EXD1: variants seen among roughly 807,000 people sequenced by gnomAD.
EXD1 encodes exonuclease 3'-5' domain containing 1, also known as piRNA biogenesis protein EXD1.
A neutral mutation model predicts 49.1 loss-of-function variants in EXD1; 63 were observed. The ratio of observed to expected loss-of-function variants is 1.28; its 90% CI spans 1.05 to 1.58. EXD1 has a LOEUF of 1.58. Among genes scored for constraint, EXD1 ranks in the 40% most tolerant of loss-of-function variants. The pLI, the probability that EXD1 is intolerant of heterozygous loss-of-function variation, is 0.00. For missense variants in EXD1, 748 were observed against 666.0 expected, an observed-to-expected ratio of 1.12 and a Z score of -1.36; for synonymous variants, 234 against 239.2, an observed-to-expected ratio of 0.98 and a Z score of 0.20.
intron 6 of EXD1, among the ~76,000 whole-genome samples, chr15:41,212,277 G>A (rs146730514): frequency 0.018 from 2,705 of 151,698 alleles, 92 homozygotes; most frequent in African/African-American, 0.062. Context: ...GTGAAACCCC[G>A]TCTCTACTAA....
chr15:41,229,250 G>C (rs1379282031), intron 1 of EXD1, among the ~76,000 whole-genome samples: 1 of 152,164 alleles, frequency 6.6e-6, no homozygotes, highest in East Asian at 1.9e-4. Context: ...GGCCGAGGCG[G>C]GTGGATCACC....
rs59054803 is a variant in EXD1 at position 41,192,594 on chromosome 15, A to ATTTTTTTTTT, written c.721-1019_721-1010dup. Reference sequence around the variant, plus strand: ...ACAGGCGTGAACCACTGCGCCAGGCATTTTTTTTTTTTTTTTTTTTTTTTT... The same window carrying ATTTTTTTTTT: ...ACAGGCGTGAACCACTGCGCCAGGCATTTTTTTTTTTTTTTTTTTTTTTTTTTTTTTTTTT... On this transcript the variant is annotated intron_variant, in intron 9 of 11. Transcript: ENST00000458580. Among the ~76,000 whole-genome samples the ATTTTTTTTTT allele has an allele frequency of 2.4e-4, 10 of 40,878 alleles. 3 individuals are homozygous for ATTTTTTTTTT. Among genetic ancestry groups the ATTTTTTTTTT allele is most frequent in the African/African-American group, 2.2e-4 (3 of 13,498 alleles). The allele number at this position is 40,878 out of a possible 152,430, so 26.8% of individuals were successfully genotyped here. A position where few individuals can be genotyped will look rare whatever the true frequency, so the allele number is the denominator to read the frequency against.
At chr15:41,206,476 A>G (rs1179643760) in intron 7 of EXD1, among the ~76,000 whole-genome samples, 18 of 73,768 alleles carry the variant, frequency 2.4e-4, no homozygotes, top group African/African-American at 1.0e-4. Flanking sequence ...CCTGTCTCGA[A>G]AAAAAAAAAA....
chr15:41,210,259 C>T (rs1431912521), intron 6 of EXD1, among the ~76,000 whole-genome samples: 2 of 152,160 alleles, frequency 1.3e-5, no homozygotes, highest in African/African-American at 4.8e-5. Flanking sequence ...CAAACTATGG[C>T]ATGCCCTAAC....
At chr15:41,201,877 C>T (rs1035130135) in intron 7 of EXD1, among the ~76,000 whole-genome samples, 28 of 152,012 alleles carry the variant, frequency 1.8e-4, no homozygotes, top group African/African-American at 6.0e-4. Context: ...AAACGCCAGG[C>T]GTGGTGTGGC....
intron 7 of EXD1, among the ~76,000 whole-genome samples, chr15:41,206,385 C>A (rs1179483639): frequency 6.7e-6 from 1 of 149,656 alleles, no homozygotes; most frequent in African/African-American, 2.5e-5. Flanking sequence ...CAGGAGAATA[C>A]CTTGAACCTG....
At chr15:41,220,026 C>A in intron 2 of EXD1, 128 bp from the exon 3 acceptor site, 1 of 657,778 alleles carries the variant, frequency 1.5e-6, no homozygotes, top group Non-Finnish European at 2.5e-6. Flanking sequence ...AAAAAATATC[C>A]AAATCTTCCC....
At chr15:41,192,032 C>T (rs945349649) in intron 9 of EXD1, 1 of 163,776 alleles carries the variant, frequency 6.1e-6, no homozygotes, top group Non-Finnish European at 1.3e-5. Flanking sequence ...GATTCCACTA[C>T]TGATGAGCAC....
In EXD1 at chr15:41,184,425, C is replaced by T; in HGVS notation, c.1225G>A (p.Val409Ile). The T allele has an allele frequency of 6.8e-6, 11 of 1,614,128 alleles. No homozygotes were observed. Among genetic ancestry groups the T allele is most frequent in the Non-Finnish European group, 9.3e-6 (11 of 1,180,040 alleles). ...VTETAGKEEK[V>I]KGFLFGKNFR... The stretch of plus-strand genomic sequence containing the variant: ...TTTTTACCAAATAAGAAGCCTTTGA[C>T]TTTCTCCTCTTTCCCTGCTGTCTCT... Residue 409 changes from valine (V) to isoleucine (I), a missense_variant, in exon 12 of 12, where the codon GTC becomes ATC. Transcript: ENST00000458580.
chr15:41,213,540 CAG>C (rs2046954731), intron 6 of EXD1, among the ~76,000 whole-genome samples: 1 of 150,666 alleles, frequency 6.6e-6, no homozygotes, highest in Non-Finnish European at 1.5e-5. Context: ...TTTTTTGAGA[CAG>C]AGTCTCACTC....
Position 41,219,869 on chromosome 15 carries a change from G to T in EXD1, c.163C>A (p.Pro55Thr). Residue 55 changes from proline (P) to threonine (T), a missense_variant, in exon 3 of 12, where the codon CCA (proline) becomes ACA (threonine). By Grantham distance (38) the Pro-to-Thr change is conservative. Coordinates refer to ENST00000458580, the MANE Select transcript of EXD1 (RefSeq NM_001286441.2). Reference protein sequence around the residue: ...VKNVETGRSVPGVKLFFGHEI... With the variant: ...VKNVETGRSVTGVKLFFGHEI... ...TGCCCAAAAAACAACTTCACTCCTGGGACACTTCGACCTGTCTCCACATTC... is the reference window on the plus strand; with the variant it reads ...TGCCCAAAAAACAACTTCACTCCTGTGACACTTCGACCTGTCTCCACATTC... 1 of 1,535,096 alleles carries T rather than the reference G, an allele frequency of 6.5e-7. No individual in the cohort carries two copies. Among genetic ancestry groups the T allele is most frequent in the Non-Finnish European group, 8.7e-7 (1 of 1,146,550 alleles).
intron 7 of EXD1, among the ~76,000 whole-genome samples, chr15:41,207,450 G>C (rs1229097596): frequency 1.3e-5 from 2 of 151,998 alleles, no homozygotes; most frequent in Non-Finnish European, 2.9e-5. Context: ...TGAGGCAGGA[G>C]AATTTCTTGA....
At chr15:41,191,951 C>CTTT in intron 9 of EXD1, 3 of 164,916 alleles carry the variant, frequency 1.8e-5, no homozygotes, top group East Asian at 1.7e-4. Flanking sequence ...TAATTTTCAA[C>CTTT]TTTTTTTTTT....
chr15:41,184,126 T>C lies in EXD1; in HGVS notation c.1524A>G (p.Leu508=), dbSNP rs1443370223. 1.2e-6 allele frequency: 2 copies of C among 1,614,110 alleles called. No individual in the cohort carries two copies. Among genetic ancestry groups the C allele is most frequent in the East Asian group, 2.2e-5 (1 of 44,896 alleles). ...SLSLKEETEQ[L]LMVENKEDLK... ...AATCTTCCTTGTTTTCCACCATCAA[T>C]AACTGTTCTGTCTCCTCTTTCAAAG... is the stretch of plus-strand genomic sequence containing the variant. The change falls in exon 12 of 12, where the codon TTA becomes TTG. Residue 508 remains leucine (L), a synonymous_variant. Coordinates refer to ENST00000458580, the MANE Select transcript of EXD1 (RefSeq NM_001286441.2).
At position 41,226,121 on chromosome 15, in the gene EXD1, G is replaced by A. The variant is rs565870435; in HGVS notation, c.133+322C>T. On this transcript the variant is annotated intron_variant, in intron 2 of 11. Transcript: ENST00000458580. ...CAAAAAATTTGCTGGGAGTGGTGGC[G>A]GGTGTCTGTAGTCCCAGCTACTCGG... Among the ~76,000 whole-genome samples, 290 of 151,626 alleles carry A rather than the reference G, an allele frequency of 1.9e-3. 1 individual carries two copies. The highest frequency in any genetic ancestry group is 1.8e-3 in the Non-Finnish European group (122 of 67,916).
intron 9 of EXD1, among the ~76,000 whole-genome samples, chr15:41,194,661 T>C (rs1393904554): frequency 6.6e-5 from 10 of 152,226 alleles, no homozygotes; most frequent in Non-Finnish European, 2.9e-5. Flanking sequence ...TACACTGTTA[T>C]AGAAAAAGAA....
At chr15:41,199,747 T>TGTGATATAGAATATATCATATATGTGA (rs558589077) in intron 7 of EXD1, among the ~76,000 whole-genome samples, 1 of 99,760 alleles carries the variant, frequency 1.0e-5, no homozygotes, top group African/African-American at 4.0e-5. Flanking sequence ...ATGTCATATA[T>TGTGATATAGAATATATCATATATGTGA]TATATATGAT....
chr15:41,223,841 G>A (rs1566995716), intron 2 of EXD1, among the ~76,000 whole-genome samples: 1 of 151,566 alleles, frequency 6.6e-6, no homozygotes, highest in Non-Finnish European at 1.5e-5. Flanking sequence ...CTCCAGCCTG[G>A]GTGACACAGC....
intron 7 of EXD1, among the ~76,000 whole-genome samples, chr15:41,207,892 TC>T (rs2046858073): frequency 6.6e-6 from 1 of 151,038 alleles, no homozygotes; most frequent in Admixed American, 6.6e-5. Flanking sequence ...ATGCCTGTAA[TC>T]CCAGCTACTC....
Sources: gnomAD v4.1 joint callset for allele counts (sites outside exome capture counted in the v4.1 genomes callset) on GRCh38, gnomAD v4.1.1 for gene constraint, MANE v1.5 for transcripts, NCBI Gene and HGNC (gene_info 2026-07-23, HGNC 2026-07-21) for gene names.